Variants in AGBL1 observed in about 807,000 individuals in gnomAD.
AGBL1 encodes AGBL carboxypeptidase 1.
A neutral mutation model predicts 118.9 loss-of-function variants in AGBL1; 130 were observed. The observed-to-expected ratio is 1.09, with a 90% confidence interval of 0.95 to 1.26. The LOEUF is 1.26. Ranked by LOEUF, AGBL1 falls within the 50% of genes most tolerant of loss-of-function variation. The probability of loss-of-function intolerance (pLI) is 0.00; values close to 1 mark genes in which losing one functional copy is unlikely to be tolerated. For missense variants in AGBL1, 1,584 were observed against 1,298.1 expected, an observed-to-expected ratio of 1.22 and a Z score of -3.38; for synonymous variants, 555 against 478.9, an observed-to-expected ratio of 1.16 and a Z score of -2.08.
chr15:86,404,773 G>A (rs538709857), intron 18 of AGBL1, among the ~76,000 whole-genome samples: 29 of 152,256 alleles, frequency 1.9e-4, no homozygotes, highest in African/African-American at 6.5e-4. Context: ...TGTAGATCAC[G>A]GCAATGAGCA....
chr15:86,354,183 T>C (rs2080677060), intron 17 of AGBL1, among the ~76,000 whole-genome samples: 1 of 152,184 alleles, frequency 6.6e-6, no homozygotes, highest in South Asian at 2.1e-4. Flanking sequence ...TGAGGGGGCA[T>C]CTGCATAGGG....
At chr15:86,904,172 C>T (rs1203258855) in intron 22 of AGBL1, among the ~76,000 whole-genome samples, 1 of 152,138 alleles carries the variant, frequency 6.6e-6, no homozygotes, top group East Asian at 1.9e-4. Flanking sequence ...TAATCATCTG[C>T]ACCTCTTGGC....
At chr15:86,817,674 G>C (rs913401173) in intron 22 of AGBL1, among the ~76,000 whole-genome samples, 1 of 151,262 alleles carries the variant, frequency 6.6e-6, no homozygotes, top group African/African-American at 2.4e-5. Flanking sequence ...CACAGAAAGA[G>C]ACAGGAGAGA....
intron 22 of AGBL1, among the ~76,000 whole-genome samples, chr15:86,722,947 C>T (rs573208583): frequency 5.8e-4 from 89 of 152,302 alleles, no homozygotes; most frequent in Middle Eastern, 3.4e-3. Flanking sequence ...ATCAAAACCA[C>T]AATGAGATAC....
At chr15:86,240,812 C>A (rs1245648468) in intron 6 of AGBL1, among the ~76,000 whole-genome samples, 1 of 152,108 alleles carries the variant, frequency 6.6e-6, no homozygotes, top group Non-Finnish European at 1.5e-5. Context: ...CTCTGTATAG[C>A]TGGAGGTAAT....
chr15:86,356,412 T>A (rs2080721493), intron 17 of AGBL1, among the ~76,000 whole-genome samples: 2 of 151,754 alleles, frequency 1.3e-5, no homozygotes, highest in Non-Finnish European at 2.9e-5. Context: ...TGAAAAAAAA[T>A]AGCTAAGGGA....
At chr15:86,550,624 A>T (rs2083650901) in intron 20 of AGBL1, among the ~76,000 whole-genome samples, 2 of 152,232 alleles carry the variant, frequency 1.3e-5, no homozygotes, top group Middle Eastern at 6.8e-3. Flanking sequence ...TACAAGAAGA[A>T]AAAGTTGAAA....
At chr15:86,520,463 A>G (rs2083173708) in intron 18 of AGBL1, among the ~76,000 whole-genome samples, 2 of 152,180 alleles carry the variant, frequency 1.3e-5, no homozygotes, top group Non-Finnish European at 2.9e-5. Context: ...TTCTGGTTTC[A>G]GCACAAAACT....
chr15:86,198,567 G>A (rs1271697950), intron 5 of AGBL1, among the ~76,000 whole-genome samples: 6 of 152,270 alleles, frequency 3.9e-5, no homozygotes, highest in Middle Eastern at 3.4e-3. Context: ...TGAATTTGGA[G>A]ACAGAGTCTT....
chr15:86,829,006 T>C (rs2079069765), intron 22 of AGBL1, among the ~76,000 whole-genome samples: 4 of 150,178 alleles, frequency 2.7e-5, no homozygotes, highest in Non-Finnish European at 5.9e-5. Flanking sequence ...AATATATTAT[T>C]GTCCTTAAAT....
intron 18 of AGBL1, among the ~76,000 whole-genome samples, chr15:86,429,499 T>C (rs1226638765): frequency 3.3e-5 from 5 of 152,226 alleles, no homozygotes; most frequent in African/African-American, 1.2e-4. Context: ...AAATTATAGC[T>C]GGACCCAGCA....
In AGBL1 at chr15:86,264,302, T is replaced by G; in HGVS notation, c.1131T>G (p.Thr377=). The G allele has an allele frequency of 6.2e-7, 1 of 1,609,152 alleles. No individual in the cohort carries two copies. The highest frequency in any genetic ancestry group is 2.2e-5 in the East Asian group (1 of 44,798). ...KLGDDLNSEK[T]QYANHHHIPA... The stretch of plus-strand genomic sequence containing the variant: ...GAGATGATTTGAACTCTGAAAAGAC[T>G]CAGTATGCCAATCACCACCACATTC... The change falls in exon 11 of 23, where the codon ACT becomes ACG. Residue 377 remains threonine (T), a synonymous_variant. Transcript: ENST00000614907.
chr15:86,748,002 G>C (rs982485728), intron 22 of AGBL1, among the ~76,000 whole-genome samples: 6 of 152,104 alleles, frequency 3.9e-5, no homozygotes, highest in African/African-American at 1.4e-4. Context: ...CCAGTAATGG[G>C]ATTGCTGGGT....
At chr15:86,991,085 T>C (rs2081332322) in intron 24 of AGBL1, among the ~76,000 whole-genome samples, 1 of 152,218 alleles carries the variant, frequency 6.6e-6, no homozygotes, top group South Asian at 2.1e-4. Context: ...TCCTGAGACC[T>C]GCAATGTAGT....
At chr15:86,594,635 T>C (rs1003487245) in intron 21 of AGBL1, among the ~76,000 whole-genome samples, 4 of 152,224 alleles carry the variant, frequency 2.6e-5, no homozygotes, top group African/African-American at 4.8e-5. Context: ...TTTATTTCAA[T>C]GTTAAAATTT....
At chr15:86,682,326 C>T (rs951519254) in intron 22 of AGBL1, among the ~76,000 whole-genome samples, 9 of 151,926 alleles carry the variant, frequency 5.9e-5, no homozygotes, top group African/African-American at 1.7e-4. Flanking sequence ...AAAACAATAG[C>T]AAAAAACAAA....
intron 5 of AGBL1, among the ~76,000 whole-genome samples, chr15:86,174,254 T>C (rs2077452918): frequency 6.6e-6 from 1 of 152,088 alleles, no homozygotes; most frequent in East Asian, 1.9e-4. Flanking sequence ...TTCAGCTAGT[T>C]TCTTATTAGT....
chr15:86,809,819 G>C (rs933609297), intron 22 of AGBL1, among the ~76,000 whole-genome samples: 4 of 152,106 alleles, frequency 2.6e-5, no homozygotes, highest in African/African-American at 9.7e-5. Context: ...GGCCATCCAG[G>C]AAAGATTGAA....
intron 17 of AGBL1, among the ~76,000 whole-genome samples, chr15:86,356,262 G>T (rs1276224614): frequency 1.3e-5 from 2 of 152,022 alleles, no homozygotes; most frequent in Admixed American, 6.6e-5. Flanking sequence ...TTAACCCAGA[G>T]AAAGGCCTAA....
Sources: allele counts gnomAD v4.1 joint callset (sites outside exome capture counted in the v4.1 genomes callset), GRCh38; gene constraint gnomAD v4.1.1; transcripts MANE v1.5; gene names NCBI Gene and HGNC (gene_info 2026-07-23, HGNC 2026-07-21).